The following LIN52 variants were observed in gnomAD, a reference collection of about 807,000 sequenced individuals.
LIN52 encodes the protein lin-52 DREAM MuvB core complex component.
Under a neutral mutation model 18.5 loss-of-function variants are expected in LIN52, and 4 were observed. The observed-to-expected ratio is 0.22, with a 90% CI of 0.11 to 0.49. LIN52 has a LOEUF of 0.49. Ranked by LOEUF, LIN52 falls within the 20% of genes least tolerant of loss-of-function variation. The pLI is 0.97. For synonymous variants in LIN52, 34 were observed against 45.5 expected, an observed-to-expected ratio of 0.75 and a Z score of 1.02; for missense variants, 102 against 139.5, an observed-to-expected ratio of 0.73 and a Z score of 1.35.
chr14:74,176,265 C>G lies in LIN52; in HGVS notation c.284-22657C>G, dbSNP rs186922315. ...GAAACTTCCACCTCCTGGGTTCAAG[C>G]AATTTCCGGCTAGTTTTTCTATTTT... is the stretch of plus-strand genomic sequence containing the variant. On this transcript the variant is annotated intron_variant, in intron 5 of 5. Transcript: ENST00000555028. 5.3e-5 allele frequency among the ~76,000 whole-genome samples: 8 copies of G among 152,168 alleles called. No homozygotes were observed. The East Asian group carries it at 1.5e-3, about 29-fold the overall frequency.
intron 5 of LIN52, among the ~76,000 whole-genome samples, chr14:74,157,035 C>CTTTTT (rs71115964): frequency 2.2e-5 from 3 of 138,320 alleles, no homozygotes; most frequent in Non-Finnish European, 3.1e-5. Flanking sequence ...TTTTCTTTTT[C>CTTTTT]TTTTTTTTTT....
At position 74,201,105 on chromosome 14, in the gene LIN52, A is replaced by C. The variant is rs1164776364; in HGVS notation, c.*2128A>C. The C allele has an allele frequency of 6.6e-6, 1 of 152,222 alleles. No individual in the cohort carries two copies. Among genetic ancestry groups the C allele is most frequent in the Non-Finnish European group, 1.5e-5 (1 of 68,038 alleles). The allele number at this position is 152,222 out of a possible 1,614,324, so 9.4% of individuals were successfully genotyped here. On this transcript the variant is annotated 3_prime_UTR_variant, in exon 6 of 6. Transcript: ENST00000555028. ...AGTATTTGTCATCCTTAGAAATGTTAATGATGTATTTTTATATTGATAATA... is the reference window on the plus strand; with the variant it reads ...AGTATTTGTCATCCTTAGAAATGTTCATGATGTATTTTTATATTGATAATA...
At chr14:74,167,207 T>C (rs550253132) in intron 5 of LIN52, among the ~76,000 whole-genome samples, 4 of 149,098 alleles carry the variant, frequency 2.7e-5, no homozygotes, top group South Asian at 4.2e-4. Context: ...GATAAAAGCA[T>C]AGGAGACAAA....
At chr14:74,149,555 G>GAAATA (rs1392121901) in intron 5 of LIN52, among the ~76,000 whole-genome samples, 1 of 152,066 alleles carries the variant, frequency 6.6e-6, no homozygotes, top group African/African-American at 2.4e-5. Flanking sequence ...TCTTTGGGGA[G>GAAATA]GGGTTGCCAT....
rs181523330 is a variant in LIN52, at chr14:74,177,571, A to G, written c.284-21351A>G. On this transcript the variant is annotated intron_variant, in intron 5 of 5. Coordinates refer to ENST00000555028, the MANE Select transcript of LIN52 (RefSeq NM_001024674.3). The stretch of plus-strand genomic sequence containing the variant: ...ATTTAGAAACTGTGACTTAGTAAGC[A>G]AAAACACAGCCCTTTTTGTTTTCAT... 2.6e-5 allele frequency among the ~76,000 whole-genome samples: 4 copies of G among 152,332 alleles called. No homozygotes were observed. In the East Asian group the frequency reaches 7.7e-4, roughly 29 times the overall value.
intron 1 of LIN52, chr14:74,085,331 C>T (rs777088251): frequency 1.6e-5 from 4 of 251,910 alleles, no homozygotes; most frequent in Non-Finnish European, 2.2e-5. Context: ...GAGGACGTGG[C>T]TTACTGTAGT....
In LIN52 at chr14:74,092,189, C is replaced by A. The variant is rs62005136; in HGVS notation, c.94+883C>A. On this transcript the variant is annotated intron_variant, in intron 2 of 5. Transcript: ENST00000555028. ...GTTTCACCATGTTGGCCAGGCTGGT[C>A]TCGAACTCCTGACCTCAGGTGATCC... Among the ~76,000 whole-genome samples, 299 of 151,242 alleles carry A rather than the reference C, an allele frequency of 2.0e-3. 10 individuals are homozygous for A. The East Asian group carries it at 0.049, about 25-fold the overall frequency.
At chr14:74,120,028 GT>G in intron 5 of LIN52, among the ~76,000 whole-genome samples, 1 of 151,864 alleles carries the variant, frequency 6.6e-6, no homozygotes. Context: ...TAAAGATGGA[GT>G]TTCACCATGT....
chr14:74,085,323 G>A lies in LIN52; in HGVS notation c.19+330G>A, dbSNP rs1313751670. On this transcript the variant is annotated intron_variant, in intron 1 of 5. Coordinates refer to ENST00000555028, the MANE Select transcript of LIN52 (RefSeq NM_001024674.3). ...GGGTCGAGGAGGAGATGTTTCTGGA[G>A]GACGTGGCTTACTGTAGTTTTTTCC... The A allele has an allele frequency of 4.2e-5, 11 of 259,684 alleles. No homozygotes were observed. The Admixed American group carries it at 4.4e-4, about 10-fold the overall frequency. The allele number at this position is 259,684 out of a possible 1,614,324, so 16.1% of individuals were successfully genotyped here.
intron 5 of LIN52, among the ~76,000 whole-genome samples, chr14:74,130,338 C>T (rs191039677): frequency 3.9e-4 from 46 of 118,580 alleles, no homozygotes; most frequent in Admixed American, 1.0e-3. Context: ...TGCAGTGGCT[C>T]AGCTCACTGC....
chr14:74,095,706 G>A (rs1022661439), intron 2 of LIN52, among the ~76,000 whole-genome samples: 1 of 152,170 alleles, frequency 6.6e-6, no homozygotes, highest in Non-Finnish European at 1.5e-5. Flanking sequence ...GTTCAGTTGA[G>A]GCATTATTTT....
rs916462197 is a variant in LIN52, at chr14:74,101,250, G to A, written c.283+12G>A. Reference sequence around the variant, plus strand: ...GGGGCTGGATGAGTGTGAGTACCCCGATCGCATTTGTTCAGGGGTGTATTC... The same window carrying A: ...GGGGCTGGATGAGTGTGAGTACCCCAATCGCATTTGTTCAGGGGTGTATTC... On this transcript the variant is annotated intron_variant, in intron 5 of 5. Coordinates refer to ENST00000555028, the MANE Select transcript of LIN52 (RefSeq NM_001024674.3). 8 of 1,589,660 alleles carry A rather than the reference G, an allele frequency of 5.0e-6. No homozygotes were observed. The Admixed American group carries it at 9.2e-5, about 18-fold the overall frequency.
chr14:74,125,182 A>G (rs929183752), intron 5 of LIN52, among the ~76,000 whole-genome samples: 1 of 152,196 alleles, frequency 6.6e-6, no homozygotes, highest in African/African-American at 2.4e-5. Context: ...TCCCTGAGGA[A>G]TCACCACACT....
chr14:74,113,323 C>T (rs981573809), intron 5 of LIN52, among the ~76,000 whole-genome samples: 2 of 151,950 alleles, frequency 1.3e-5, no homozygotes, highest in Admixed American at 6.6e-5. Flanking sequence ...ATCTGGGAGG[C>T]AGAGGTTGCG....
Position 74,127,659 on chromosome 14 carries a change from G to A in LIN52, c.283+26421G>A, listed in dbSNP as rs78196925. 1.8e-3 allele frequency among the ~76,000 whole-genome samples: 273 copies of A among 152,348 alleles called. 7 individuals are homozygous for A. The East Asian group carries it at 0.045, about 25-fold the overall frequency. The stretch of plus-strand genomic sequence containing the variant: ...AGTCATTGCAATAGCTAAGACTGCT[G>A]CCTGGAACTAGGGTACTGGTAGTGG... On this transcript the variant is annotated intron_variant, in intron 5 of 5. Transcript: ENST00000555028.
intron 5 of LIN52, among the ~76,000 whole-genome samples, chr14:74,172,733 T>A (rs952012025): frequency 6.6e-6 from 1 of 152,204 alleles, no homozygotes; most frequent in East Asian, 1.9e-4. Flanking sequence ...TTTGCCTCAT[T>A]AATAAAATAC....
At chr14:74,166,458 G>T (rs562361900) in intron 5 of LIN52, among the ~76,000 whole-genome samples, 1 of 151,042 alleles carries the variant, frequency 6.6e-6, no homozygotes, top group Non-Finnish European at 1.5e-5. Flanking sequence ...CAGGTGATCC[G>T]CCCACTTGCC....
At chr14:74,173,425 G>T (rs2061279610) in intron 5 of LIN52, among the ~76,000 whole-genome samples, 1 of 152,140 alleles carries the variant, frequency 6.6e-6, no homozygotes, top group African/African-American at 2.4e-5. Flanking sequence ...AACCTCAGGT[G>T]ATCCGCCCGC....
chr14:74,145,002 G>GGAGAT (rs559085120), intron 5 of LIN52, among the ~76,000 whole-genome samples: 38 of 152,274 alleles, frequency 2.5e-4, no homozygotes, highest in African/African-American at 8.9e-4. Flanking sequence ...AAGAGATAAG[G>GGAGAT]GAGATCATTG....
Sources: gnomAD v4.1 joint callset for allele counts (sites outside exome capture counted in the v4.1 genomes callset) on GRCh38, gnomAD v4.1.1 for gene constraint, MANE v1.5 for transcripts, NCBI Gene and HGNC (gene_info 2026-07-23, HGNC 2026-07-21) for gene names.